Variants in PRKG2 observed in about 807,000 individuals in gnomAD.
The protein encoded by PRKG2 is protein kinase cGMP-dependent 2.
A neutral mutation model predicts 97.2 loss-of-function variants in PRKG2; 33 were observed. The observed-to-expected ratio is 0.34, with a 90% CI of 0.26 to 0.45. PRKG2 has a LOEUF of 0.45. Among genes scored for constraint, PRKG2 ranks in the 20% least tolerant of loss-of-function variants. PRKG2 has a pLI of 1.00. For missense variants in PRKG2, 638 were observed against 900.0 expected, an observed-to-expected ratio of 0.71 and a Z score of 3.73; for synonymous variants, 330 against 321.8, an observed-to-expected ratio of 1.03 and a Z score of -0.27.
At chr4:81,158,056 C>T (rs1749264911) in intron 6 of PRKG2, among the ~76,000 whole-genome samples, 1 of 149,122 alleles carries the variant, frequency 6.7e-6, no homozygotes. Flanking sequence ...TCCTATTCAA[C>T]ATAGTGTTGG....
At chr4:81,130,373 G>C (rs987925627) in intron 14 of PRKG2, among the ~76,000 whole-genome samples, 3 of 152,160 alleles carry the variant, frequency 2.0e-5, no homozygotes, top group African/African-American at 7.2e-5. Context: ...CTTCATCCCA[G>C]AGGGGCACCT....
chr4:81,176,714 T>C (rs1392425505), intron 2 of PRKG2, among the ~76,000 whole-genome samples: 2 of 152,218 alleles, frequency 1.3e-5, no homozygotes, highest in African/African-American at 4.8e-5. Context: ...CAAAGAAGTC[T>C]TGCTGTAAAC....
chr4:81,209,063 C>T (rs561407457), intron 1 of PRKG2, among the ~76,000 whole-genome samples: 54 of 152,248 alleles, frequency 3.5e-4, no homozygotes, highest in South Asian at 2.5e-3. Context: ...AGACAGCAAT[C>T]GAATGAGTAG....
At chr4:81,163,162 A>T (rs1432511038) in intron 6 of PRKG2, among the ~76,000 whole-genome samples, 2 of 152,184 alleles carry the variant, frequency 1.3e-5, no homozygotes, top group African/African-American at 4.8e-5. Context: ...CAGTGTGTTG[A>T]CAGTAACTTC....
intron 6 of PRKG2, among the ~76,000 whole-genome samples, chr4:81,159,671 G>T (rs1749435779): frequency 6.6e-6 from 1 of 152,028 alleles, no homozygotes; most frequent in Non-Finnish European, 1.5e-5. Context: ...TATGTTTATT[G>T]TGGCACTATT....
At chr4:81,102,032 T>C (rs1742855977) in intron 17 of PRKG2, among the ~76,000 whole-genome samples, 1 of 151,676 alleles carries the variant, frequency 6.6e-6, no homozygotes, top group Non-Finnish European at 1.5e-5. Flanking sequence ...AAAAAATGCT[T>C]CTGAGCATCT....
At chr4:81,114,650 G>A (rs1428850252) in intron 14 of PRKG2, among the ~76,000 whole-genome samples, 1 of 152,112 alleles carries the variant, frequency 6.6e-6, no homozygotes, top group East Asian at 1.9e-4. Context: ...ACAAAATAAT[G>A]TGACACATAA....
chr4:81,211,937 G>A (rs543675252), intron 1 of PRKG2, among the ~76,000 whole-genome samples: 10 of 152,206 alleles, frequency 6.6e-5, no homozygotes, highest in Admixed American at 5.9e-4. Flanking sequence ...AATATTCTAG[G>A]TGGATAGGAA....
chr4:81,155,724 A>G (rs1166274950), intron 6 of PRKG2, among the ~76,000 whole-genome samples: 4 of 151,500 alleles, frequency 2.6e-5, no homozygotes, highest in South Asian at 2.1e-4. Flanking sequence ...GACTAACAGC[A>G]GATCTCTCGG....
chr4:81,194,670 T>C (rs1752834343), intron 2 of PRKG2, among the ~76,000 whole-genome samples: 1 of 152,200 alleles, frequency 6.6e-6, no homozygotes, highest in African/African-American at 2.4e-5. Context: ...GGTTTAACAA[T>C]GAAATGTTGA....
intron 15 of PRKG2, among the ~76,000 whole-genome samples, chr4:81,109,231 ATAG>A (rs1743662922): frequency 1.3e-5 from 2 of 152,222 alleles, no homozygotes; most frequent in African/African-American, 4.8e-5. Flanking sequence ...GTAGCCACAG[ATAG>A]TCTAACACTG....
At chr4:81,156,087 T>A (rs1749064861) in intron 6 of PRKG2, among the ~76,000 whole-genome samples, 1 of 151,834 alleles carries the variant, frequency 6.6e-6, no homozygotes, top group African/African-American at 2.4e-5. Flanking sequence ...CAATGTTAAC[T>A]TTAAACGTAA....
intron 6 of PRKG2, among the ~76,000 whole-genome samples, chr4:81,159,169 A>G (rs1294088277): frequency 1.3e-5 from 2 of 152,230 alleles, no homozygotes; most frequent in Non-Finnish European, 2.9e-5. Context: ...CAGGGTGAAC[A>G]GGCAACCTAC....
chr4:81,145,868 C>T (rs995633833), intron 9 of PRKG2, among the ~76,000 whole-genome samples: 2 of 152,102 alleles, frequency 1.3e-5, no homozygotes, highest in Non-Finnish European at 2.9e-5. Flanking sequence ...ATTAATAAGC[C>T]AGAGCCACCT....
rs561216033 is a variant in PRKG2 at position 81,088,517 on chromosome 4, A to G, written c.*1191T>C. 6.6e-6 allele frequency: 1 copy of G among 152,302 alleles called. No homozygotes were observed. Among genetic ancestry groups the G allele is most frequent in the South Asian group, 2.1e-4 (1 of 4,824 alleles). 9.4% of individuals were successfully genotyped at this position (152,302 alleles called of 1,614,324 possible). On this transcript the variant is annotated 3_prime_UTR_variant, in exon 19 of 19. Transcript: ENST00000264399. ...GTGAAGTTCTTAGGTACTAGGTCCC[A>G]TGCTATTGAAACTATCCTACTTATT...
intron 14 of PRKG2, among the ~76,000 whole-genome samples, chr4:81,111,237 T>C (rs965141403): frequency 1.3e-5 from 2 of 152,120 alleles, no homozygotes; most frequent in African/African-American, 4.8e-5. Context: ...TATACACTTC[T>C]TGTCTCTCAG....
chr4:81,093,590 T>A lies in PRKG2; in HGVS notation c.2127-1138A>T, dbSNP rs537207504. Among the ~76,000 whole-genome samples, 17 of 152,318 alleles carry A rather than the reference T, an allele frequency of 1.1e-4. 1 individual carries two copies. The highest frequency in any genetic ancestry group is 3.4e-4 in the African/African-American group (14 of 41,566). On this transcript the variant is annotated intron_variant, in intron 17 of 18. Transcript: ENST00000264399. Reference sequence around the variant, plus strand: ...CCAGCACTTGGAGTAGTGCTTGATATGGGACAGGGGCTCAATAAATTTTTG... The same window carrying A: ...CCAGCACTTGGAGTAGTGCTTGATAAGGGACAGGGGCTCAATAAATTTTTG...
At chr4:81,157,415 A>C (rs969353540) in intron 6 of PRKG2, among the ~76,000 whole-genome samples, 2 of 152,164 alleles carry the variant, frequency 1.3e-5, no homozygotes, top group Admixed American at 6.5e-5. Context: ...CAATAACAGG[A>C]GCTGAAATTG....
At chr4:81,104,330 A>G (rs1445917289) in intron 17 of PRKG2, 40 bp downstream of exon 17, 1 of 1,437,768 alleles carries the variant, frequency 7.0e-7, no homozygotes, top group Non-Finnish European at 9.5e-7. Context: ...ATTGTTCTCT[A>G]AATTTCTATA....
Sources: gnomAD v4.1 joint callset for allele counts (sites outside exome capture counted in the v4.1 genomes callset) on GRCh38, gnomAD v4.1.1 for gene constraint, MANE v1.5 for transcripts, NCBI Gene and HGNC (gene_info 2026-07-23, HGNC 2026-07-21) for gene names.